The following TMTC1 variants were observed in gnomAD, a reference collection of about 807,000 sequenced individuals.
TMTC1 encodes transmembrane O-mannosyltransferase targeting cadherins 1.
In TMTC1, 73 loss-of-function variants were observed where a neutral mutation model predicts 104.8. The ratio of observed to expected loss-of-function variants is 0.70; its 90% CI spans 0.58 to 0.85. The LOEUF is 0.85. Among genes scored for constraint, TMTC1 ranks in the 40% least tolerant of loss-of-function variants. The pLI is 0.00. For missense variants in TMTC1, 1,035 were observed against 1,096.1 expected, an observed-to-expected ratio of 0.94 and a Z score of 0.79; for synonymous variants, 434 against 428.7, an observed-to-expected ratio of 1.01 and a Z score of -0.15.
rs139136166 is a variant in TMTC1 at position 29,750,406 on chromosome 12, TTA to T, written c.938+1258_938+1259del. Among the ~76,000 whole-genome samples, 831 of 152,264 alleles carry T rather than the reference TTA, an allele frequency of 5.5e-3. 12 individuals carry two copies. The highest frequency in any genetic ancestry group is 0.018 in the African/African-American group (760 of 41,564). ...ACATTGTTCAGTCAGTGTTGATTAT[TTA>T]TTGTCTACCTTCCTCTACTAGAAGA... On this transcript the variant is annotated intron_variant, in intron 5 of 17. Coordinates refer to ENST00000539277, the MANE Select transcript of TMTC1 (RefSeq NM_001193451.2).
chr12:29,513,600 C>T (rs1260738281), intron 16 of TMTC1, among the ~76,000 whole-genome samples: 1 of 152,096 alleles, frequency 6.6e-6, no homozygotes. Context: ...TGAGATTTTA[C>T]TTTTCCTATA....
chr12:29,630,134 T>G (rs1938220737), intron 6 of TMTC1, among the ~76,000 whole-genome samples: 1 of 152,192 alleles, frequency 6.6e-6, no homozygotes, highest in Non-Finnish European at 1.5e-5. Flanking sequence ...TAATTATGCC[T>G]TTTTTAGAGT....
At chr12:29,628,386 T>C (rs1415717015) in intron 6 of TMTC1, among the ~76,000 whole-genome samples, 5 of 152,292 alleles carry the variant, frequency 3.3e-5, no homozygotes, top group Middle Eastern at 3.4e-3. Context: ...TTATTACTCC[T>C]GTAAACAAAA....
chr12:29,650,324 A>T (rs1279106974), intron 5 of TMTC1, among the ~76,000 whole-genome samples: 1 of 152,004 alleles, frequency 6.6e-6, no homozygotes, highest in South Asian at 2.1e-4. Context: ...ACCTCAAGTG[A>T]TCTGCCCGCC....
At chr12:29,737,334 C>G (rs527485060) in intron 5 of TMTC1, among the ~76,000 whole-genome samples, 6 of 152,106 alleles carry the variant, frequency 3.9e-5, no homozygotes, top group African/African-American at 1.4e-4. Context: ...GCCTGACCAA[C>G]GTGGAGAAAC....
At chr12:29,772,075 G>A (rs1200702078) in intron 1 of TMTC1, among the ~76,000 whole-genome samples, 5 of 152,200 alleles carry the variant, frequency 3.3e-5, no homozygotes, top group Non-Finnish European at 7.3e-5. Flanking sequence ...CAATAAAGAT[G>A]TTGCAAACTG....
intron 5 of TMTC1, among the ~76,000 whole-genome samples, chr12:29,710,492 A>G (rs1477838362): frequency 2.0e-5 from 3 of 149,660 alleles, no homozygotes; most frequent in African/African-American, 7.3e-5. Context: ...CTGAACCTTT[A>G]GAAGATGATT....
intron 5 of TMTC1, among the ~76,000 whole-genome samples, chr12:29,743,932 C>T (rs1284226281): frequency 6.6e-6 from 1 of 152,146 alleles, no homozygotes; most frequent in Non-Finnish European, 1.5e-5. Flanking sequence ...GTTTTGTGGC[C>T]TTGGAGTCAG....
intron 5 of TMTC1, among the ~76,000 whole-genome samples, chr12:29,644,683 C>T (rs544352472): frequency 2.0e-5 from 3 of 152,212 alleles, no homozygotes; most frequent in East Asian, 3.9e-4. Context: ...ATTTGCTCCA[C>T]CTCCACCCTC....
chr12:29,590,779 C>T (rs570674734), intron 7 of TMTC1, among the ~76,000 whole-genome samples: 5 of 152,178 alleles, frequency 3.3e-5, no homozygotes, highest in South Asian at 2.1e-4. Context: ...GGTGAAACTC[C>T]GTCTCAAACA....
intron 5 of TMTC1, among the ~76,000 whole-genome samples, chr12:29,661,873 G>A (rs928712548): frequency 6.6e-6 from 1 of 152,172 alleles, no homozygotes; most frequent in Non-Finnish European, 1.5e-5. Context: ...TCAGCTTCTA[G>A]AGGGGCAGGA....
rs879602127 is a variant in TMTC1, at chr12:29,725,011, G to GTTTTTTTTTTTT, written c.938+26654_938+26655insAAAAAAAAAAAA. Among the ~76,000 whole-genome samples the GTTTTTTTTTTTT allele has an allele frequency of 1.3e-3, 151 of 115,682 alleles. 22 individuals carry two copies. Among genetic ancestry groups the GTTTTTTTTTTTT allele is most frequent in the East Asian group, 1.9e-3 (7 of 3,642 alleles). The allele number at this position is 115,682 out of a possible 152,430, so 75.9% of individuals were successfully genotyped here. On this transcript the variant is annotated intron_variant, in intron 5 of 17. Coordinates refer to ENST00000539277, the MANE Select transcript of TMTC1 (RefSeq NM_001193451.2). Reference sequence around the variant, plus strand: ...CGTAGTTTAGCTATATATCTGCCAAGTTCTTTTTTTTTTTTTTTTTTTTTT... The same window carrying GTTTTTTTTTTTT: ...CGTAGTTTAGCTATATATCTGCCAAGTTTTTTTTTTTTTTCTTTTTTTTTTTTTTTTTTTTTT...
intron 5 of TMTC1, among the ~76,000 whole-genome samples, chr12:29,718,662 T>A (rs2136870894): frequency 6.6e-6 from 1 of 152,154 alleles, no homozygotes; most frequent in Non-Finnish European, 1.5e-5. Flanking sequence ...TAATTAAGAA[T>A]CTCTATCACA....
chr12:29,572,282 T>C (rs1945700333), intron 8 of TMTC1, 64 bp from the exon 9 acceptor site: 2 of 1,339,116 alleles, frequency 1.5e-6, no homozygotes, highest in Non-Finnish European at 2.1e-6. Flanking sequence ...GATTCCTTTA[T>C]GTTTTACTCA....
intron 5 of TMTC1, among the ~76,000 whole-genome samples, chr12:29,697,415 A>T (rs1264889489): frequency 1.3e-5 from 2 of 152,244 alleles, no homozygotes; most frequent in African/African-American, 4.8e-5. Flanking sequence ...CAAGAATTGT[A>T]AGGCTTTCTC....
intron 5 of TMTC1, among the ~76,000 whole-genome samples, chr12:29,688,975 C>T (rs1941181220): frequency 6.6e-6 from 1 of 152,126 alleles, no homozygotes; most frequent in South Asian, 2.1e-4. Flanking sequence ...ACCTAGAAGA[C>T]TTCTTAAGGG....
At chr12:29,734,623 A>G (rs1942625214) in intron 5 of TMTC1, among the ~76,000 whole-genome samples, 1 of 152,236 alleles carries the variant, frequency 6.6e-6, no homozygotes, top group Non-Finnish European at 1.5e-5. Context: ...TGAGCAAAAT[A>G]CTTTAAGAAT....
At chr12:29,586,982 A>G (rs1432421436) in intron 7 of TMTC1, among the ~76,000 whole-genome samples, 50 of 152,058 alleles carry the variant, frequency 3.3e-4, no homozygotes, top group African/African-American at 1.0e-3. Context: ...CTCTTTTTCT[A>G]TTGATTGGAA....
chr12:29,509,355 A>T (rs1004393045), intron 17 of TMTC1, among the ~76,000 whole-genome samples: 9 of 152,230 alleles, frequency 5.9e-5, no homozygotes, highest in Non-Finnish European at 1.0e-4. Context: ...GTCATGAGCA[A>T]GAGACAACTA....
Sources: gnomAD v4.1 joint callset for allele counts (sites outside exome capture counted in the v4.1 genomes callset) on GRCh38, gnomAD v4.1.1 for gene constraint, MANE v1.5 for transcripts, NCBI Gene and HGNC (gene_info 2026-07-23, HGNC 2026-07-21) for gene names.